MBP: variants seen among roughly 807,000 people sequenced by gnomAD.
MBP encodes the protein myelin basic protein.
MBP carries 16 observed loss-of-function variants against 35.8 expected under a neutral mutation model. That is an observed-to-expected ratio of 0.45 (90% confidence interval 0.30 to 0.68). The LOEUF (loss-of-function observed/expected upper bound fraction) is 0.68. Among genes scored for constraint, MBP ranks in the 30% least tolerant of loss-of-function variants. MBP has a pLI of 0.08. For missense variants in MBP, 380 were observed against 404.7 expected, an observed-to-expected ratio of 0.94 and a Z score of 0.52; for synonymous variants, 143 against 159.6, an observed-to-expected ratio of 0.90 and a Z score of 0.78.
chr18:77,084,716 A>AT (rs937512761), intron 2 of MBP, among the ~76,000 whole-genome samples: 4 of 152,172 alleles, frequency 2.6e-5, no homozygotes, highest in Non-Finnish European at 5.9e-5. Context: ...TCTGTTTGTT[A>AT]TCTAGGTTGA....
At chr18:76,990,875 T>C in intron 4 of MBP, 1 of 299,032 alleles carries the variant, frequency 3.3e-6, no homozygotes, top group Non-Finnish European at 6.9e-6. Flanking sequence ...TGCGACTTGC[T>C]GGGGAGAGAT....
intron 3 of MBP, among the ~76,000 whole-genome samples, chr18:77,061,795 G>T (rs941112631): frequency 6.6e-6 from 1 of 152,132 alleles, no homozygotes; most frequent in African/African-American, 2.4e-5. Context: ...GTGAAAACAC[G>T]CACACACCAA....
chr18:77,019,342 G>GGGC (rs1300723215), intron 3 of MBP, among the ~76,000 whole-genome samples: 2 of 152,144 alleles, frequency 1.3e-5, no homozygotes, highest in East Asian at 3.8e-4. Context: ...GCAGTAGGGT[G>GGGC]GGCCCTACTC....
At chr18:77,114,503 G>A (rs1047979002) in intron 1 of MBP, 1 of 152,248 alleles carries the variant, frequency 6.6e-6, no homozygotes, top group African/African-American at 2.4e-5. Flanking sequence ...AATTCCTTGT[G>A]AATGTATCCA....
At chr18:77,112,000 C>T (rs1283432911) in intron 1 of MBP, among the ~76,000 whole-genome samples, 1 of 152,160 alleles carries the variant, frequency 6.6e-6, no homozygotes, top group Non-Finnish European at 1.5e-5. Context: ...GTCCCTCCCT[C>T]CATTCCTCTT....
intron 3 of MBP, among the ~76,000 whole-genome samples, chr18:77,024,392 G>A (rs1180539968): frequency 6.6e-6 from 1 of 152,200 alleles, no homozygotes; most frequent in Non-Finnish European, 1.5e-5. Context: ...ATTAATTTCT[G>A]TAGCAAAATT....
Position 77,122,608 on chromosome 18 carries a change from T to C in MBP, c.-26+9972A>G, listed in dbSNP as rs137964458. Reference sequence around the variant, plus strand: ...CTCAGGCTGGAGTGCATTGGCGCAATCTGGGCTCACTGCAACCTCCGCCTC... The same window carrying C: ...CTCAGGCTGGAGTGCATTGGCGCAACCTGGGCTCACTGCAACCTCCGCCTC... On this transcript the variant is annotated intron_variant, in intron 1 of 8. Transcript: ENST00000355994. Among the ~76,000 whole-genome samples the C allele has an allele frequency of 6.0e-3, 912 of 152,328 alleles. 9 individuals are homozygous for C. The highest frequency in any genetic ancestry group is 0.021 in the African/African-American group (862 of 41,572).
In MBP at chr18:76,989,913, T is replaced by TC; in HGVS notation, c.681+42dup. 5 of 1,520,718 alleles carry TC rather than the reference T, an allele frequency of 3.3e-6. No individual in the cohort carries two copies. The highest frequency in any genetic ancestry group is 4.6e-6 in the Non-Finnish European group (5 of 1,097,496). 94.2% of individuals were successfully genotyped at this position (1,520,718 alleles called of 1,614,324 possible). On this transcript the variant is annotated intron_variant, in intron 5 of 8. Transcript: ENST00000355994. This position sits in a 1 kb window ranked among gnomAD's most constrained non-coding sequence, Gnocchi z 4.0. ...TGACAGCAGTGGCCAGCACCCCTCC[T>TC]CCCCCTCACAGTTGCTACCTCTTCC...
chr18:77,081,004 A>G (rs1261118163), intron 2 of MBP, among the ~76,000 whole-genome samples: 1 of 152,180 alleles, frequency 6.6e-6, no homozygotes, highest in African/African-American at 2.4e-5. Flanking sequence ...TTTTAATCAA[A>G]ACTCTACTTT....
chr18:77,027,493 C>T (rs73968256), intron 3 of MBP, among the ~76,000 whole-genome samples: 2,612 of 152,270 alleles, frequency 0.017, 84 homozygotes, highest in African/African-American at 0.059. Context: ...ACCAGGTCTC[C>T]GACAGATAAG....
At chr18:77,121,023 G>A (rs1976870683) in intron 1 of MBP, among the ~76,000 whole-genome samples, 2 of 152,312 alleles carry the variant, frequency 1.3e-5, no homozygotes, top group East Asian at 1.9e-4. Context: ...TTTAAGGTTG[G>A]GCACAGTGGC....
At chr18:77,070,342 T>C (rs572282066) in intron 2 of MBP, among the ~76,000 whole-genome samples, 2 of 152,290 alleles carry the variant, frequency 1.3e-5, no homozygotes, top group South Asian at 4.1e-4. Flanking sequence ...GCAATTTTCT[T>C]TTTCATCAGC....
chr18:77,000,488 G>T (rs2974260), intron 4 of MBP, among the ~76,000 whole-genome samples: 59,983 of 152,086 alleles, frequency 0.39, 12,215 homozygotes, highest in Middle Eastern at 0.52. Flanking sequence ...ATAACTTGCT[G>T]AAAAGTTTTT....
chr18:76,985,108 G>T, intron 7 of MBP: 1 of 1,528,064 alleles, frequency 6.5e-7, no homozygotes, highest in Non-Finnish European at 8.8e-7. Context: ...CGCAGAGAGA[G>T]GAGGGCTCTG....
intron 1 of MBP, among the ~76,000 whole-genome samples, chr18:77,119,399 C>T (rs1338482733): frequency 6.6e-6 from 1 of 152,196 alleles, no homozygotes; most frequent in Non-Finnish European, 1.5e-5. Context: ...GCACAGTCCA[C>T]AGCACACAGC....
At chr18:77,049,251 G>A (rs12458393) in intron 3 of MBP, among the ~76,000 whole-genome samples, 14,608 of 152,220 alleles carry the variant, frequency 0.096, 1,269 homozygotes, top group East Asian at 0.31. Context: ...TTTGTTCACC[G>A]ATGTACTCCT....
At chr18:77,032,038 A>G (rs1972561258) in intron 3 of MBP, among the ~76,000 whole-genome samples, 1 of 152,212 alleles carries the variant, frequency 6.6e-6, no homozygotes, top group Non-Finnish European at 1.5e-5. Flanking sequence ...TTGGGGCTAA[A>G]GGTGCAGAAC....
At chr18:76,986,337 G>A in intron 7 of MBP, 1 of 985,524 alleles carries the variant, frequency 1.0e-6, no homozygotes, top group Non-Finnish European at 1.2e-6. Flanking sequence ...TCATTAAAGT[G>A]TTTTAGGACA....
chr18:77,023,571 A>G (rs1280872001), intron 3 of MBP, among the ~76,000 whole-genome samples: 2 of 152,148 alleles, frequency 1.3e-5, no homozygotes, highest in Admixed American at 6.5e-5. Context: ...GCTTTGCAAC[A>G]CAAGGCTCCT....
Sources: allele counts gnomAD v4.1 joint callset (sites outside exome capture counted in the v4.1 genomes callset), GRCh38; gene constraint gnomAD v4.1.1; non-coding constraint Gnocchi (gnomAD v3.1); transcripts MANE v1.5; gene names NCBI Gene and HGNC (gene_info 2026-07-23, HGNC 2026-07-21).